Variants in ZFYVE9 observed in about 807,000 individuals in gnomAD.
ZFYVE9 encodes zinc finger FYVE-type containing 9, also known as zinc finger FYVE domain-containing protein 9.
In ZFYVE9, 43 loss-of-function variants were observed where a neutral mutation model predicts 126.7. The ratio of observed to expected loss-of-function variants is 0.34; its 90% CI spans 0.27 to 0.44. The LOEUF (loss-of-function observed/expected upper bound fraction) is 0.44, where lower values mean the gene tolerates loss of function less well. ZFYVE9 is among the 20% of genes least tolerant of loss of function. The probability of loss-of-function intolerance (pLI) is 1.00; values close to 1 mark genes in which losing one functional copy is unlikely to be tolerated. For missense variants in ZFYVE9, 1,476 were observed against 1,697.0 expected, an observed-to-expected ratio of 0.87 and a Z score of 2.29; for synonymous variants, 521 against 597.4, an observed-to-expected ratio of 0.87 and a Z score of 1.87.
In ZFYVE9 at chr1:52,268,565, C is replaced by G; in HGVS notation, c.2558C>G (p.Ser853Cys). 1 of 1,614,198 alleles carries G rather than the reference C, an allele frequency of 6.2e-7. No individual in the cohort carries two copies. The change falls in exon 7 of 19, where the codon TCT becomes TGT. Residue 853 changes from serine (S) to cysteine (C), a missense_variant. Transcript: ENST00000287727. Reference protein sequence around the residue: ...AAKLTMNGTSSAGTLAVSHDP... With the variant: ...AAKLTMNGTSCAGTLAVSHDP... ...AAATTAACAATGAATGGAACTTCCT[C>G]TGCAGGAACCCTGGCTGTGTCACAC...
chr1:52,290,908 T>C (rs1454491535), intron 10 of ZFYVE9, among the ~76,000 whole-genome samples: 1 of 152,146 alleles, frequency 6.6e-6, no homozygotes, highest in South Asian at 2.1e-4. Context: ...ATATAGTTTC[T>C]CCTCCCATTT....
intron 1 of ZFYVE9, among the ~76,000 whole-genome samples, chr1:52,155,858 TTTTGC>T (rs1390614146): frequency 6.6e-6 from 1 of 152,204 alleles, no homozygotes; most frequent in African/African-American, 2.4e-5. Context: ...GCAATTTGTC[TTTTGC>T]TTTGGAGGGG....
intron 12 of ZFYVE9, among the ~76,000 whole-genome samples, chr1:52,297,063 C>T (rs963238668): frequency 1.3e-5 from 2 of 152,028 alleles, no homozygotes; most frequent in African/African-American, 4.8e-5. Flanking sequence ...GCCTCAGCCT[C>T]CCAAAGTGCT....
At chr1:52,289,088 T>C (rs902145294) in intron 10 of ZFYVE9, among the ~76,000 whole-genome samples, 2 of 152,156 alleles carry the variant, frequency 1.3e-5, no homozygotes, top group Admixed American at 1.3e-4. Flanking sequence ...TATATTTGAA[T>C]TGAATTTAAA....
intron 12 of ZFYVE9, among the ~76,000 whole-genome samples, chr1:52,303,424 T>C (rs957853900): frequency 1.3e-5 from 2 of 152,186 alleles, no homozygotes; most frequent in African/African-American, 2.4e-5. Flanking sequence ...CTTACAGATA[T>C]TCATTGAGTG....
intron 4 of ZFYVE9, among the ~76,000 whole-genome samples, chr1:52,250,517 C>T (rs1404031486): frequency 1.3e-5 from 2 of 151,944 alleles, no homozygotes; most frequent in African/African-American, 2.4e-5. Context: ...TGTGTGTTTG[C>T]GGGGAATCTT....
chr1:52,260,251 T>C (rs1645565881), intron 4 of ZFYVE9, among the ~76,000 whole-genome samples: 1 of 151,730 alleles, frequency 6.6e-6, no homozygotes, highest in Admixed American at 6.6e-5. Context: ...ACTATAAAAC[T>C]CATTGTTTTA....
chr1:52,237,939 T>G lies in ZFYVE9; in HGVS notation c.522T>G (p.Ser174Arg). ...NDLQDCNNYN[S>R]QSLMDAFSCS... ...TACAGGATTGTAATAATTATAATAG[T>G]CAATCCCTTATGGATGCTTTTAGCT... The change falls in exon 4 of 19, where the codon AGT (serine) becomes AGG (arginine). Residue 174 changes from serine to arginine, a missense_variant. By Grantham distance (110) the Ser-to-Arg change is moderately radical (BLOSUM62 -1). This residue lies in a region of ZFYVE9 where 807 missense variants were observed against 794.6 expected (regional missense o/e 1.02). Transcript: ENST00000287727. The G allele has an allele frequency of 6.2e-7, 1 of 1,614,028 alleles. No homozygotes were observed.
At chr1:52,213,607 G>A (rs1488239996) in intron 1 of ZFYVE9, among the ~76,000 whole-genome samples, 2 of 151,906 alleles carry the variant, frequency 1.3e-5, no homozygotes, top group African/African-American at 2.4e-5. Context: ...AGCCGAGATC[G>A]TGTCACTGCA....
intron 6 of ZFYVE9, among the ~76,000 whole-genome samples, chr1:52,268,157 C>A (rs960068642): frequency 1.3e-5 from 2 of 152,142 alleles, no homozygotes; most frequent in African/African-American, 2.4e-5. Flanking sequence ...TCCTTAGTTT[C>A]TCTGTCAGTG....
intron 1 of ZFYVE9, among the ~76,000 whole-genome samples, chr1:52,182,972 C>A (rs1644728518): frequency 6.6e-6 from 1 of 151,942 alleles, no homozygotes; most frequent in Non-Finnish European, 1.5e-5. Context: ...AATAAGGTGT[C>A]TATTAGGATT....
intron 14 of ZFYVE9, among the ~76,000 whole-genome samples, chr1:52,333,818 T>C (rs1482633100): frequency 1.4e-5 from 2 of 145,466 alleles, no homozygotes. Flanking sequence ...AAGCAGGGCA[T>C]GGTGGCTCAC....
chr1:52,230,646 G>T (rs1452663200), intron 2 of ZFYVE9, among the ~76,000 whole-genome samples: 1 of 151,998 alleles, frequency 6.6e-6, no homozygotes, highest in Non-Finnish European at 1.5e-5. Flanking sequence ...GGTACCCTTG[G>T]CTGCCTCCTG....
chr1:52,203,545 A>G (rs1316203460), intron 1 of ZFYVE9, among the ~76,000 whole-genome samples: 3 of 142,384 alleles, frequency 2.1e-5, no homozygotes, highest in African/African-American at 7.8e-5. Context: ...AACTATGTAT[A>G]GGTTTTTTTT....
chr1:52,239,554 ACATT>A lies in ZFYVE9; in HGVS notation c.2140_2143del (p.Phe714ProfsTer21). On this transcript the variant is annotated frameshift_variant, in exon 4 of 19. Transcript: ENST00000287727. LOFTEE classifies it high-confidence loss of function. ...TTGCATGAAATGTGAAGCCAGGTTT[ACATT>A]CACCAAAAGGAGGCATCACTGCAGA... 1 of 1,614,048 alleles carries A rather than the reference ACATT, an allele frequency of 6.2e-7. No individual in the cohort carries two copies. Among genetic ancestry groups the A allele is most frequent in the Non-Finnish European group, 8.5e-7 (1 of 1,179,930 alleles).
intron 4 of ZFYVE9, among the ~76,000 whole-genome samples, chr1:52,241,570 G>C (rs1164964923): frequency 6.6e-6 from 1 of 152,124 alleles, no homozygotes; most frequent in Non-Finnish European, 1.5e-5. Flanking sequence ...GATGGATTCA[G>C]AAAGAAAATG....
intron 12 of ZFYVE9, among the ~76,000 whole-genome samples, chr1:52,297,705 T>A (rs1050181972): frequency 4.6e-5 from 7 of 151,554 alleles, no homozygotes; most frequent in African/African-American, 1.5e-4. Flanking sequence ...TTTTTTTTTT[T>A]ATTTCTTTAA....
At chr1:52,219,509 G>C (rs1009106828) in intron 2 of ZFYVE9, among the ~76,000 whole-genome samples, 1 of 151,798 alleles carries the variant, frequency 6.6e-6, no homozygotes, top group Admixed American at 6.6e-5. Flanking sequence ...TTCCCAGGTT[G>C]GTTCAAGCTT....
At chr1:52,153,249 C>G (rs1041834877) in intron 1 of ZFYVE9, among the ~76,000 whole-genome samples, 9 of 152,170 alleles carry the variant, frequency 5.9e-5, no homozygotes, top group African/African-American at 1.9e-4. Context: ...ATGCACAGAT[C>G]CATATCTTCA....
Sources: allele counts gnomAD v4.1 joint callset (sites outside exome capture counted in the v4.1 genomes callset), GRCh38; gene constraint gnomAD v4.1.1; regional missense constraint gnomAD v4.1.1; transcripts MANE v1.5; gene names NCBI Gene and HGNC (gene_info 2026-07-23, HGNC 2026-07-21).